The following TLL1 variants were observed in gnomAD, a reference collection of about 807,000 sequenced individuals.
TLL1 encodes the protein tolloid-like protein 1.
TLL1 carries 49 observed loss-of-function variants against 128.2 expected under a neutral mutation model. The observed-to-expected ratio is 0.38, with a 90% confidence interval of 0.30 to 0.48. The LOEUF (loss-of-function observed/expected upper bound fraction) is 0.48, where lower values mean the gene tolerates loss of function less well. TLL1 is among the 20% of genes least tolerant of loss of function. TLL1 has a pLI of 0.96. For missense variants in TLL1, 1,123 were observed against 1,242.0 expected, an observed-to-expected ratio of 0.90 and a Z score of 1.44; for synonymous variants, 454 against 418.8, an observed-to-expected ratio of 1.08 and a Z score of -1.03.
intron 8 of TLL1, among the ~76,000 whole-genome samples, chr4:166,024,061 T>A (rs1025818920): frequency 6.6e-6 from 1 of 152,168 alleles, no homozygotes; most frequent in Non-Finnish European, 1.5e-5. Flanking sequence ...ATTTGTCAAG[T>A]GCCCTGGATG....
intron 16 of TLL1, among the ~76,000 whole-genome samples, chr4:166,069,466 G>A (rs1319873319): frequency 6.6e-6 from 1 of 151,508 alleles, no homozygotes; most frequent in Non-Finnish European, 1.5e-5. Flanking sequence ...ATAGTATTTG[G>A]AAAAGAAAGC....
chr4:166,060,889 A>G lies in TLL1; in HGVS notation c.2007+701A>G, dbSNP rs567782873. On this transcript the variant is annotated intron_variant, in intron 15 of 20. Transcript: ENST00000061240. ...TGTGTGATTGGTCAACACTGGTTTA[A>G]TTCCAGAGGAAAGGTTATAAACGTT... Among the ~76,000 whole-genome samples, 79 of 152,370 alleles carry G rather than the reference A, an allele frequency of 5.2e-4. 3 individuals carry two copies. The South Asian group carries it at 0.016, about 30-fold the overall frequency.
chr4:165,918,116 T>G (rs951248234), intron 1 of TLL1, among the ~76,000 whole-genome samples: 1 of 152,220 alleles, frequency 6.6e-6, no homozygotes, highest in Non-Finnish European at 1.5e-5. Flanking sequence ...TAGTAAGTAA[T>G]GTACATGTAA....
In TLL1 at chr4:165,889,215, T is replaced by G. The variant is rs75141419; in HGVS notation, c.169+15142T>G. The stretch of plus-strand genomic sequence containing the variant: ...TTGTTACAGAACTTAGATGTTATGA[T>G]GATTAAATGGCTTTATTTGAAACTC... On this transcript the variant is annotated intron_variant, in intron 1 of 20. Coordinates refer to ENST00000061240, the MANE Select transcript of TLL1 (RefSeq NM_012464.5). Among the ~76,000 whole-genome samples the G allele has an allele frequency of 4.3e-3, 657 of 152,354 alleles. 3 individuals carry two copies. Among genetic ancestry groups the G allele is most frequent in the African/African-American group, 0.014 (576 of 41,584 alleles).
chr4:165,879,590 T>C (rs918302925), intron 1 of TLL1, among the ~76,000 whole-genome samples: 3 of 152,164 alleles, frequency 2.0e-5, no homozygotes, highest in African/African-American at 7.2e-5. Context: ...CTTATTCTAA[T>C]AGTTCCTTAG....
chr4:165,904,118 G>A (rs1260222050), intron 1 of TLL1, among the ~76,000 whole-genome samples: 2 of 151,626 alleles, frequency 1.3e-5, no homozygotes, highest in African/African-American at 2.4e-5. Context: ...TGTTACAGTC[G>A]AGTTTTCCTT....
rs544140274 is a variant in TLL1, at chr4:166,005,320, A to C, written c.811+1751A>C. ...TCTGGACTTCAGGATGTATCTAAAG[A>C]TAAAAAATTGACATAGATTTCACTA... On this transcript the variant is annotated intron_variant, in intron 6 of 20. Transcript: ENST00000061240. Among the ~76,000 whole-genome samples the C allele has an allele frequency of 6.3e-4, 96 of 152,026 alleles. 1 individual carries two copies. Among genetic ancestry groups the C allele is most frequent in the Non-Finnish European group, 1.2e-3 (83 of 67,952 alleles).
Position 166,051,899 on chromosome 4 carries a change from T to C in TLL1, c.1525-3177T>C, listed in dbSNP as rs954833995. ...GTAAATAATATGTAATGCATAAATATGTACTAGTGAATTTAACCCTATAAT... is the reference window on the plus strand; with the variant it reads ...GTAAATAATATGTAATGCATAAATACGTACTAGTGAATTTAACCCTATAAT... On this transcript the variant is annotated intron_variant, in intron 12 of 20. Coordinates refer to ENST00000061240, the MANE Select transcript of TLL1 (RefSeq NM_012464.5). Among the ~76,000 whole-genome samples, 5 of 152,208 alleles carry C rather than the reference T, an allele frequency of 3.3e-5. 1 individual carries two copies. In the South Asian group the frequency reaches 8.3e-4, roughly 25 times the overall value.
intron 6 of TLL1, among the ~76,000 whole-genome samples, chr4:166,006,267 C>T (rs1017724655): frequency 6.6e-6 from 1 of 151,654 alleles, no homozygotes; most frequent in African/African-American, 2.4e-5. Context: ...ATGTGGTTTC[C>T]CTTAGTGCTA....
At chr4:166,022,565 T>G (rs1738294202) in intron 8 of TLL1, among the ~76,000 whole-genome samples, 1 of 152,226 alleles carries the variant, frequency 6.6e-6, no homozygotes, top group Non-Finnish European at 1.5e-5. Context: ...ATTATAAATG[T>G]GTTCCTACAG....
chr4:165,990,879 C>T (rs1335492667), intron 2 of TLL1, among the ~76,000 whole-genome samples: 1 of 151,844 alleles, frequency 6.6e-6, no homozygotes, highest in African/African-American at 2.4e-5. Context: ...AAACATATAT[C>T]AGTATGGGTG....
chr4:165,963,054 CAAAAAAAAAAAA>C (rs869191830), intron 1 of TLL1, among the ~76,000 whole-genome samples: 2 of 18,336 alleles, frequency 1.1e-4, no homozygotes, highest in Non-Finnish European at 1.2e-4. Context: ...GGCTCTGTCT[CAAAAAAAAAAAA>C]AAAAAAAAAA....
At chr4:166,085,052 A>G (rs1741445513) in intron 18 of TLL1, among the ~76,000 whole-genome samples, 1 of 151,866 alleles carries the variant, frequency 6.6e-6, no homozygotes, top group Non-Finnish European at 1.5e-5. Context: ...TGTAAATGGT[A>G]TTGTTTTATT....
chr4:166,030,902 C>T lies in TLL1; in HGVS notation c.1158+5471C>T, dbSNP rs544343368. 5 of 983,704 alleles carry T rather than the reference C, an allele frequency of 5.1e-6. No homozygotes were observed. The African/African-American group carries it at 8.7e-5, about 17-fold the overall frequency. 60.9% of individuals were successfully genotyped at this position (983,704 alleles called of 1,614,324 possible). The stretch of plus-strand genomic sequence containing the variant: ...ACATGAATTTATAAAACTATAGTTT[C>T]ACTGGATATAGTTGGCTGCACATTT... On this transcript the variant is annotated intron_variant, in intron 9 of 20. Coordinates refer to ENST00000061240, the MANE Select transcript of TLL1 (RefSeq NM_012464.5).
rs964789427 is a variant in TLL1 at position 166,048,391 on chromosome 4, G to A, written c.1524+4972G>A. The stretch of plus-strand genomic sequence containing the variant: ...CTTGAAAACTATGGAAATAAATTTC[G>A]TGGTTTGTAAACCACCCTATCTATG... On this transcript the variant is annotated intron_variant, in intron 12 of 20. Transcript: ENST00000061240. Among the ~76,000 whole-genome samples the A allele has an allele frequency of 1.3e-4, 20 of 152,042 alleles. 1 individual carries two copies. The highest frequency in any genetic ancestry group is 9.8e-4 in the Admixed American group (15 of 15,264).
intron 1 of TLL1, among the ~76,000 whole-genome samples, chr4:165,900,165 C>T (rs765515639): frequency 6.6e-6 from 1 of 151,426 alleles, no homozygotes; most frequent in Non-Finnish European, 1.5e-5. Context: ...TACAGCATGC[C>T]GATGGGTCTT....
intron 12 of TLL1, among the ~76,000 whole-genome samples, chr4:166,053,445 ATTTGATATT>A (rs1331441594): frequency 6.6e-6 from 1 of 152,028 alleles, no homozygotes; most frequent in Non-Finnish European, 1.5e-5. Context: ...GGGCAAGGTT[ATTTGATATT>A]TTTCTGAATG....
chr4:166,096,450 C>G (rs1447058779), intron 19 of TLL1, among the ~76,000 whole-genome samples: 1 of 151,996 alleles, frequency 6.6e-6, no homozygotes, highest in Admixed American at 6.6e-5. Context: ...AAGACAACTT[C>G]CAGTGATTTT....
intron 14 of TLL1, among the ~76,000 whole-genome samples, chr4:166,059,544 A>T (rs1256056812): frequency 2.0e-5 from 3 of 152,094 alleles, no homozygotes; most frequent in Admixed American, 6.6e-5. Context: ...TTGGAAAAAA[A>T]GTTTGAGGAA....
Sources: allele counts gnomAD v4.1 joint callset (sites outside exome capture counted in the v4.1 genomes callset), GRCh38; gene constraint gnomAD v4.1.1; transcripts MANE v1.5; gene names NCBI Gene and HGNC (gene_info 2026-07-23, HGNC 2026-07-21).